CACNA1B: variants seen among roughly 807,000 people sequenced by gnomAD.
CACNA1B encodes the protein calcium voltage-gated channel subunit alpha1 B, also known as voltage-dependent N-type calcium channel subunit alpha-1B.
A neutral mutation model predicts 247.2 loss-of-function variants in CACNA1B; 70 were observed. The observed-to-expected ratio is 0.28, with a 90% CI of 0.23 to 0.35. CACNA1B has a LOEUF of 0.35. CACNA1B is among the 10% of genes least tolerant of loss of function. The pLI, the probability that CACNA1B is intolerant of heterozygous loss-of-function variation, is 1.00. For synonymous variants in CACNA1B, 1,231 were observed against 1,294.4 expected, an observed-to-expected ratio of 0.95 and a Z score of 1.05; for missense variants, 2,367 against 3,197.4, an observed-to-expected ratio of 0.74 and a Z score of 6.26.
Position 137,889,209 on chromosome 9 carries a change from C to A in CACNA1B, c.530+6326C>A, listed in dbSNP as rs1275167356. Among the ~76,000 whole-genome samples, 5 of 150,346 alleles carry A rather than the reference C, an allele frequency of 3.3e-5. 1 individual carries two copies. The highest frequency in any genetic ancestry group is 7.5e-5 in the Non-Finnish European group (5 of 66,886). ...GAGCATGGACCGAGCTGGGTGTGTC[C>A]GTGCTGTGACGGAACTCTTCTGCCA... On this transcript the variant is annotated intron_variant, in intron 3 of 46. Coordinates refer to ENST00000371372, the MANE Select transcript of CACNA1B (RefSeq NM_000718.4).
intron 3 of CACNA1B, among the ~76,000 whole-genome samples, chr9:137,895,154 C>A (rs560947464): frequency 6.6e-6 from 1 of 152,180 alleles, no homozygotes; most frequent in Non-Finnish European, 1.5e-5. Flanking sequence ...ACCAACTGGG[C>A]GTGCTTGTCT....
chr9:137,894,992 GT>G, intron 3 of CACNA1B, among the ~76,000 whole-genome samples: 1 of 152,188 alleles, frequency 6.6e-6, no homozygotes, highest in East Asian at 1.9e-4. Context: ...TTTTCTAAAA[GT>G]TTTGTTATTT....
Position 138,121,455 on chromosome 9 carries a change from C to A in CACNA1B, c.6490-14C>A. 1 of 1,356,632 alleles carries A rather than the reference C, an allele frequency of 7.4e-7. No individual in the cohort carries two copies. The highest frequency in any genetic ancestry group is 1.0e-6 in the Non-Finnish European group (1 of 1,004,388). 84.0% of individuals were successfully genotyped at this position (1,356,632 alleles called of 1,614,324 possible). ...TTTTTTACCTCTGATTTGTTCTGGTCCATTTTCATGTAGGGCAGTGGTTCC... is the reference window on the plus strand; with the variant it reads ...TTTTTTACCTCTGATTTGTTCTGGTACATTTTCATGTAGGGCAGTGGTTCC... On this transcript the variant is annotated splice_polypyrimidine_tract_variant and intron_variant, in intron 46 of 46. Coordinates refer to ENST00000371372, the MANE Select transcript of CACNA1B (RefSeq NM_000718.4). The surrounding 1 kb of genome is among the most constrained non-coding windows in gnomAD (Gnocchi z 6.8).
At chr9:137,961,630 G>A (rs1020050021) in intron 10 of CACNA1B, among the ~76,000 whole-genome samples, 4 of 152,092 alleles carry the variant, frequency 2.6e-5, no homozygotes, top group Non-Finnish European at 5.9e-5. Context: ...ATAATCATGT[G>A]GTTTTTGCCT....
At chr9:137,886,320 T>C (rs1391956240) in intron 3 of CACNA1B, among the ~76,000 whole-genome samples, 1 of 151,914 alleles carries the variant, frequency 6.6e-6, no homozygotes, top group African/African-American at 2.4e-5. Context: ...GGCGCAGCTC[T>C]TAAGGACCTC....
chr9:138,102,793 C>T lies in CACNA1B; in HGVS notation c.5305C>T (p.Arg1769Ter), dbSNP rs1554758408. ...GGGGCTGGGGAAGAAATGCCCTGCT[C>T]GAGTTGCTTACAAGGTAGACCCTGA... ...PLGLGKKCPA[R>*]VAYKRLVRMN... The change falls in exon 38 of 47, where the codon CGA (arginine) becomes TGA (stop). Residue 1769 changes from arginine to a stop codon, truncating the protein, a stop_gained. Transcript: ENST00000371372. LOFTEE classifies it high-confidence loss of function. This position sits in a 1 kb window ranked among gnomAD's most constrained non-coding sequence, Gnocchi z 5.4. 6.2e-7 allele frequency: 1 copy of T among 1,610,758 alleles called. No homozygotes were observed. Among genetic ancestry groups the T allele is most frequent in the Non-Finnish European group, 8.5e-7 (1 of 1,177,320 alleles).
At position 138,043,899 on chromosome 9, in the gene CACNA1B, C is replaced by T; in HGVS notation, c.3412C>T (p.Leu1138=). ...SSMFCLSPTN[L]LRRFCHYIVT... ...CATGTTCTGTTTAAGCCCCACCAAC[C>T]TGTGAGTCTCCTTGCCTGCTGGTGT... The change falls in exon 21 of 47, where the codon CTG becomes TTG. Residue 1138 remains leucine, a splice_region_variant and synonymous_variant. Transcript: ENST00000371372. The T allele has an allele frequency of 6.2e-7, 1 of 1,613,016 alleles. No homozygotes were observed. Among genetic ancestry groups the T allele is most frequent in the South Asian group, 1.1e-5 (1 of 91,058 alleles).
chr9:137,937,947 CAAAAAAAAAA>C (rs57680122), intron 6 of CACNA1B, among the ~76,000 whole-genome samples: 35 of 21,934 alleles, frequency 1.6e-3, no homozygotes, highest in Middle Eastern at 0.05. Flanking sequence ...AACTCTGTCT[CAAAAAAAAAA>C]AAAAAAAAAA....
chr9:138,038,188 G>T (rs1023633545), intron 20 of CACNA1B, among the ~76,000 whole-genome samples: 1 of 152,146 alleles, frequency 6.6e-6, no homozygotes, highest in African/African-American at 2.4e-5. Context: ...TCAGTTCTTT[G>T]CAATCACTAT....
Position 137,917,289 on chromosome 9 carries a change from G to A in CACNA1B, c.824G>A (p.Arg275Gln), listed in dbSNP as rs989224706. The change falls in exon 6 of 47, where the codon CGG becomes CAG. Residue 275 changes from arginine to glutamine, a missense_variant. Transcript: ENST00000371372. This position sits in a 1 kb window ranked among gnomAD's most constrained non-coding sequence, Gnocchi z 5.5. The part of the protein sequence containing the change: ...DFPCGKEAPA[R>Q]LCEGDTECRE... The stretch of plus-strand genomic sequence containing the variant: ...CCCTGTGGCAAGGAGGCCCCAGCCC[G>A]GCTGTGCGAGGGCGACACTGAGTGC... 25 of 1,613,772 alleles carry A rather than the reference G, an allele frequency of 1.5e-5. No individual in the cohort carries two copies. Among genetic ancestry groups the A allele is most frequent in the Admixed American group, 1.0e-4 (6 of 59,986 alleles).
intron 21 of CACNA1B, 54 bp from the exon 22 acceptor site, chr9:138,046,850 G>A: frequency 1.3e-6 from 2 of 1,577,764 alleles, no homozygotes; most frequent in Non-Finnish European, 1.7e-6. Flanking sequence ...CCTGTGGCAA[G>A]GGGTGGCGCG....
intron 20 of CACNA1B, among the ~76,000 whole-genome samples, chr9:138,042,449 CAA>C (rs1959136390): frequency 1.3e-5 from 2 of 151,462 alleles, no homozygotes; most frequent in South Asian, 4.2e-4. Context: ...TCTCCTGTCT[CAA>C]ATTAAACAAA....
chr9:138,098,910 C>G (rs1564285465), intron 37 of CACNA1B, among the ~76,000 whole-genome samples: 1 of 152,188 alleles, frequency 6.6e-6, no homozygotes, highest in Non-Finnish European at 1.5e-5. Context: ...CAGGACAGGC[C>G]GAGGGGCCCA....
At chr9:138,089,921 A>G (rs1165899979) in intron 36 of CACNA1B, among the ~76,000 whole-genome samples, 1 of 152,234 alleles carries the variant, frequency 6.6e-6, no homozygotes, top group Non-Finnish European at 1.5e-5. Context: ...AAAGAAAACT[A>G]TAAAACATTG....
chr9:138,041,901 C>T (rs558340519), intron 20 of CACNA1B, among the ~76,000 whole-genome samples: 124 of 152,168 alleles, frequency 8.1e-4, no homozygotes, highest in African/African-American at 2.5e-3. Flanking sequence ...ACTGTATGCA[C>T]GCGCCAACAC....
At chr9:137,879,242 C>T (rs1026456293) in intron 2 of CACNA1B, 83 bp downstream of exon 2, 2 of 885,370 alleles carry the variant, frequency 2.3e-6, no homozygotes, top group Non-Finnish European at 3.6e-6. Flanking sequence ...CTGAGAACAG[C>T]TTCCTCGGGC....
At chr9:137,911,825 G>A (rs547280226) in intron 3 of CACNA1B, among the ~76,000 whole-genome samples, 3 of 152,310 alleles carry the variant, frequency 2.0e-5, no homozygotes, top group East Asian at 3.9e-4. Flanking sequence ...CCCTGGATGC[G>A]CGTTAGAGGC....
intron 6 of CACNA1B, among the ~76,000 whole-genome samples, chr9:137,944,228 C>T (rs1318033653): frequency 6.6e-6 from 1 of 152,104 alleles, no homozygotes; most frequent in Non-Finnish European, 1.5e-5. Context: ...AGTTTGTGGG[C>T]CCATCTGTAG....
chr9:138,096,618 G>A lies in CACNA1B; in HGVS notation c.5222+7G>A, dbSNP rs1438234535. ...AATACGACCCGGCTGCGTGGTAAGTGAGCCGTGGTGCTCTGTGGTCCTTGG... is the reference window on the plus strand; with the variant it reads ...AATACGACCCGGCTGCGTGGTAAGTAAGCCGTGGTGCTCTGTGGTCCTTGG... On this transcript the variant is annotated splice_region_variant and intron_variant, in intron 37 of 46. Transcript: ENST00000371372. The A allele has an allele frequency of 1.2e-6, 2 of 1,610,864 alleles. No individual in the cohort carries two copies. The highest frequency in any genetic ancestry group is 3.3e-5 in the Admixed American group (2 of 59,728).
Sources: gnomAD v4.1 joint callset for allele counts (sites outside exome capture counted in the v4.1 genomes callset) on GRCh38, gnomAD v4.1.1 for gene constraint, Gnocchi (gnomAD v3.1) non-coding constraint, MANE v1.5 for transcripts, NCBI Gene and HGNC (gene_info 2026-07-23, HGNC 2026-07-21) for gene names.